Variants in DPP10 observed in about 807,000 individuals in gnomAD.
DPP10 encodes dipeptidyl peptidase like 10, also known as inactive dipeptidyl peptidase 10.
A neutral mutation model predicts 120.9 loss-of-function variants in DPP10; 33 were observed. The ratio of observed to expected loss-of-function variants is 0.27; its 90% CI spans 0.21 to 0.37. DPP10 has a LOEUF of 0.37. DPP10 is among the 10% of genes least tolerant of loss of function. DPP10 has a pLI of 1.00. For synonymous variants in DPP10, 337 were observed against 326.1 expected (o/e 1.03, Z -0.36); for missense variants, 816 against 942.8 (o/e 0.87, Z 1.76).
At chr2:114,731,075 A>T (rs1204940471) in intron 1 of DPP10, among the ~76,000 whole-genome samples, 2 of 151,834 alleles carry the variant, frequency 1.3e-5, no homozygotes, top group African/African-American at 4.8e-5. Context: ...GCATCTTAAT[A>T]CACTAATTCA....
intron 1 of DPP10, among the ~76,000 whole-genome samples, chr2:114,575,185 G>A (rs896177259): frequency 6.6e-6 from 1 of 152,072 alleles, no homozygotes; most frequent in African/African-American, 2.4e-5. Context: ...TGCAATTTAG[G>A]AGAGAAAACC....
intron 1 of DPP10, among the ~76,000 whole-genome samples, chr2:114,710,468 G>T (rs1700954275): frequency 6.6e-6 from 1 of 152,198 alleles, no homozygotes; most frequent in Admixed American, 6.5e-5. Context: ...GCACAGGCCG[G>T]GCATAGTGGC....
chr2:114,743,636 C>A (rs1435858679), intron 1 of DPP10, among the ~76,000 whole-genome samples: 1 of 152,158 alleles, frequency 6.6e-6, no homozygotes, highest in Non-Finnish European at 1.5e-5. Context: ...AACGCTGCAG[C>A]CCACTGATTG....
intron 3 of DPP10, among the ~76,000 whole-genome samples, chr2:115,352,044 CAA>C (rs1419136031): frequency 3.3e-5 from 5 of 151,282 alleles, no homozygotes; most frequent in Admixed American, 6.6e-5. Flanking sequence ...AACTAAACAC[CAA>C]GAGAGAGAAA....
intron 1 of DPP10, among the ~76,000 whole-genome samples, chr2:114,486,686 G>GT (rs879528853): frequency 5.9e-5 from 9 of 151,496 alleles, no homozygotes; most frequent in East Asian, 1.9e-4. Flanking sequence ...ATTTTGATTT[G>GT]TTTTTTTTCT....
intron 1 of DPP10, among the ~76,000 whole-genome samples, chr2:115,063,876 T>C (rs1315412325): frequency 1.3e-5 from 2 of 152,180 alleles, no homozygotes; most frequent in African/African-American, 4.8e-5. Context: ...ATGTTGATGC[T>C]GTGTTTTTTT....
chr2:115,068,701 G>A (rs1036555577), intron 1 of DPP10, among the ~76,000 whole-genome samples: 2 of 152,118 alleles, frequency 1.3e-5, no homozygotes, highest in African/African-American at 4.8e-5. Flanking sequence ...TATAGTTTCA[G>A]ATGTTACATT....
intron 3 of DPP10, among the ~76,000 whole-genome samples, chr2:115,392,482 T>A (rs1311350154): frequency 2.0e-5 from 3 of 152,156 alleles, no homozygotes; most frequent in Non-Finnish European, 2.9e-5. Flanking sequence ...AGATGTATGC[T>A]TTCATTAAAA....
intron 1 of DPP10, among the ~76,000 whole-genome samples, chr2:115,182,542 C>A (rs2054147648): frequency 6.6e-6 from 1 of 152,082 alleles, no homozygotes; most frequent in African/African-American, 2.4e-5. Context: ...TATTCCAGCC[C>A]CTCTTTGGGC....
At chr2:115,553,094 A>G (rs1469419930) in intron 5 of DPP10, among the ~76,000 whole-genome samples, 2 of 152,104 alleles carry the variant, frequency 1.3e-5, no homozygotes, top group Non-Finnish European at 2.9e-5. Flanking sequence ...CTATGCTGAA[A>G]GCAACTCAGA....
chr2:115,306,795 G>A (rs975540140), intron 1 of DPP10, among the ~76,000 whole-genome samples: 8 of 152,032 alleles, frequency 5.3e-5, no homozygotes, highest in East Asian at 1.9e-4. Context: ...GTGGACTTCC[G>A]TAGCCAGCTG....
At chr2:115,011,619 A>G (rs914008821) in intron 1 of DPP10, among the ~76,000 whole-genome samples, 1 of 151,574 alleles carries the variant, frequency 6.6e-6, no homozygotes, top group Non-Finnish European at 1.5e-5. Context: ...TTATTTCTTT[A>G]ATTTTAACAT....
intron 19 of DPP10, among the ~76,000 whole-genome samples, chr2:115,796,775 C>A (rs2149942738): frequency 6.6e-6 from 1 of 152,168 alleles, no homozygotes; most frequent in East Asian, 1.9e-4. Flanking sequence ...AATATTTAGA[C>A]ATCATCTTTA....
intron 13 of DPP10, 48 bp downstream of exon 13, chr2:115,768,452 C>T (rs766181800): frequency 6.5e-7 from 1 of 1,531,920 alleles, no homozygotes; most frequent in Non-Finnish European, 9.0e-7. Context: ...TCCTCATGTC[C>T]CCGAAGGCCC....
intron 1 of DPP10, among the ~76,000 whole-genome samples, chr2:114,585,506 A>C (rs1260527737): frequency 6.6e-6 from 1 of 152,120 alleles, no homozygotes; most frequent in Non-Finnish European, 1.5e-5. Flanking sequence ...AGCGACACCT[A>C]GATAAGTTTA....
At chr2:115,675,038 C>A (rs1385192991) in intron 5 of DPP10, among the ~76,000 whole-genome samples, 2 of 152,134 alleles carry the variant, frequency 1.3e-5, no homozygotes, top group African/African-American at 4.8e-5. Flanking sequence ...CAAATATTGT[C>A]AACCCACAGC....
At chr2:115,176,978 T>G (rs2105107013) in intron 1 of DPP10, among the ~76,000 whole-genome samples, 1 of 152,350 alleles carries the variant, frequency 6.6e-6, no homozygotes, top group South Asian at 2.1e-4. Context: ...TTGAAAATTT[T>G]AATCATGTAT....
chr2:115,180,722 G>A (rs1368230769), intron 1 of DPP10, among the ~76,000 whole-genome samples: 1 of 152,156 alleles, frequency 6.6e-6, no homozygotes, highest in East Asian at 1.9e-4. Context: ...ATGTACATAT[G>A]TATGTAGATA....
chr2:114,978,810 A>G (rs530416129), intron 1 of DPP10, among the ~76,000 whole-genome samples: 89 of 152,286 alleles, frequency 5.8e-4, no homozygotes, highest in African/African-American at 2.0e-3. Context: ...ACTAAAGGCA[A>G]ATACTTTAAT....
Sources: allele counts gnomAD v4.1 joint callset (sites outside exome capture counted in the v4.1 genomes callset), GRCh38; gene constraint gnomAD v4.1.1; transcripts MANE v1.5; gene names NCBI Gene and HGNC (gene_info 2026-07-23, HGNC 2026-07-21).